Variants in KCNIP4 observed in about 807,000 individuals in gnomAD.
KCNIP4 encodes the protein potassium voltage-gated channel interacting protein 4.
In KCNIP4, 12 loss-of-function variants were observed where a neutral mutation model predicts 34.0. The ratio of observed to expected loss-of-function variants is 0.35; its 90% CI spans 0.23 to 0.57. The LOEUF is 0.57. Ranked by LOEUF, KCNIP4 falls within the 20% of genes least tolerant of loss-of-function variation. The probability of loss-of-function intolerance (pLI) is 0.83; values close to 1 mark genes in which losing one functional copy is unlikely to be tolerated. For synonymous variants in KCNIP4, 124 were observed against 102.2 expected, an observed-to-expected ratio of 1.21 and a Z score of -1.29; for missense variants, 238 against 311.7, an observed-to-expected ratio of 0.76 and a Z score of 1.78.
intron 1 of KCNIP4, among the ~76,000 whole-genome samples, chr4:21,092,180 C>G (rs1285609797): frequency 6.6e-6 from 1 of 152,010 alleles, no homozygotes. Flanking sequence ...ATGTCCCAAG[C>G]ATTCCTTAAA....
rs115222839 is a variant in KCNIP4 at position 21,774,416 on chromosome 4, C to T, written c.61+174155G>A. Among the ~76,000 whole-genome samples the T allele has an allele frequency of 4.1e-3, 631 of 152,138 alleles. 3 individuals are homozygous for T. The highest frequency in any genetic ancestry group is 0.017 in the Middle Eastern group (5 of 292). On this transcript the variant is annotated intron_variant, in intron 1 of 8. Transcript: ENST00000382152. ...GAAGAATCTGATGATTATGTGTCTT[C>T]GGGTTGATCTTCTCATGTTGTATCT...
chr4:20,943,867 C>A (rs998669431), intron 1 of KCNIP4, among the ~76,000 whole-genome samples: 3 of 151,990 alleles, frequency 2.0e-5, no homozygotes, highest in African/African-American at 7.3e-5. Context: ...GATTTGTAGT[C>A]CAATCTAGAA....
chr4:20,945,309 G>A (rs966434527), intron 1 of KCNIP4, among the ~76,000 whole-genome samples: 2 of 152,156 alleles, frequency 1.3e-5, no homozygotes, highest in Non-Finnish European at 2.9e-5. Flanking sequence ...GAGGGACACT[G>A]CCAAGTGACT....
rs370139941 is a variant in KCNIP4, at chr4:21,149,918, A to C, written c.62-267209T>G. On this transcript the variant is annotated intron_variant, in intron 1 of 8. Transcript: ENST00000382152. ...TAAGTTATTTGTTTCACTGTGTTGG[A>C]AATGTCCTTTTATAACACCCTAATA... 4.7e-4 allele frequency among the ~76,000 whole-genome samples: 72 copies of C among 152,342 alleles called. No individual in the cohort carries two copies. In the East Asian group the frequency reaches 8.9e-3, roughly 19 times the overall value.
intron 1 of KCNIP4, among the ~76,000 whole-genome samples, chr4:21,528,703 G>C (rs1341939529): frequency 4.0e-3 from 1 of 248 alleles, no homozygotes; most frequent in Non-Finnish European, 7.4e-3. Flanking sequence ...AAGAAAGAAA[G>C]AAAGAAAGAA....
At chr4:21,344,591 A>G (rs1444898712) in intron 1 of KCNIP4, among the ~76,000 whole-genome samples, 1 of 152,162 alleles carries the variant, frequency 6.6e-6, no homozygotes. Flanking sequence ...ACAGATAGGT[A>G]TGATGCAAGA....
chr4:21,375,945 G>A (rs1265231594), intron 1 of KCNIP4, among the ~76,000 whole-genome samples: 3 of 152,122 alleles, frequency 2.0e-5, no homozygotes, highest in Non-Finnish European at 2.9e-5. Context: ...TCAAGGCAGA[G>A]TCTCCCTCCT....
At chr4:21,279,631 A>G (rs1762656963) in intron 1 of KCNIP4, among the ~76,000 whole-genome samples, 1 of 151,674 alleles carries the variant, frequency 6.6e-6, no homozygotes, top group South Asian at 2.1e-4. Flanking sequence ...TTATTCATCA[A>G]ATATTAATTC....
chr4:21,694,914 C>CA lies in KCNIP4; in HGVS notation c.61+253656dup, dbSNP rs368053041. ...CGTTTCCTCAGATAACACGATTGAC[C>CA]AAAAAAAAAAAAAAAATAAAAATAA... On this transcript the variant is annotated intron_variant, in intron 1 of 8. Coordinates refer to ENST00000382152, the MANE Select transcript of KCNIP4 (RefSeq NM_025221.6). 5.7e-3 allele frequency among the ~76,000 whole-genome samples: 263 copies of CA among 46,462 alleles called. 1 individual carries two copies. The highest frequency in any genetic ancestry group is 0.01 in the South Asian group (17 of 1,690). 30.5% of individuals were successfully genotyped at this position (46,462 alleles called of 152,430 possible). A position where few individuals can be genotyped will look rare whatever the true frequency, so the allele number is the denominator to read the frequency against.
At chr4:21,057,117 A>C (rs1743477633) in intron 1 of KCNIP4, among the ~76,000 whole-genome samples, 1 of 152,120 alleles carries the variant, frequency 6.6e-6, no homozygotes, top group African/African-American at 2.4e-5. Flanking sequence ...AATGTGCCCA[A>C]ATTGTAAATG....
intron 1 of KCNIP4, among the ~76,000 whole-genome samples, chr4:21,622,735 C>T (rs946898380): frequency 5.3e-5 from 8 of 151,988 alleles, no homozygotes; most frequent in Non-Finnish European, 8.8e-5. Flanking sequence ...GAGGCATCAA[C>T]TTAAAAAAAT....
At chr4:21,410,907 A>G (rs1724439991) in intron 1 of KCNIP4, among the ~76,000 whole-genome samples, 1 of 152,206 alleles carries the variant, frequency 6.6e-6, no homozygotes, top group Non-Finnish European at 1.5e-5. Flanking sequence ...TGGTCTGGCA[A>G]CATTGACAAA....
At position 21,400,523 on chromosome 4, in the gene KCNIP4, CTCTTCTCTT is replaced by C. The variant is rs1560369255; in HGVS notation, c.62-517823_62-517815del. On this transcript the variant is annotated intron_variant, in intron 1 of 8. Transcript: ENST00000382152. ...CCTTCCCCTCCCTTCCTCTTCTCTT[CTCTTCTCTT>C]CTCTTCTCTTCTCTTCTCTTCTCTT... is the stretch of plus-strand genomic sequence containing the variant. 4.0e-3 allele frequency among the ~76,000 whole-genome samples: 192 copies of C among 48,380 alleles called. 7 individuals are homozygous for C. The highest frequency in any genetic ancestry group is 0.016 in the African/African-American group (174 of 11,008). The allele number at this position is 48,380 out of a possible 152,430, so 31.7% of individuals were successfully genotyped here.
intron 1 of KCNIP4, among the ~76,000 whole-genome samples, chr4:21,251,209 T>C (rs1238217611): frequency 6.6e-6 from 1 of 152,168 alleles, no homozygotes; most frequent in Admixed American, 6.5e-5. Flanking sequence ...ATCCAACAAA[T>C]CTATCTATAT....
In KCNIP4 at chr4:21,683,446, A is replaced by ATTTTTTTTTTTTTT. The variant is rs71191533; in HGVS notation, c.61+265111_61+265124dup. 7.5e-4 allele frequency among the ~76,000 whole-genome samples: 35 copies of ATTTTTTTTTTTTTT among 46,614 alleles called. 7 individuals carry two copies. The highest frequency in any genetic ancestry group is 1.9e-3 in the South Asian group (2 of 1,036). 30.6% of individuals were successfully genotyped at this position (46,614 alleles called of 152,430 possible). A position where few individuals can be genotyped will look rare whatever the true frequency, so the allele number is the denominator to read the frequency against. ...TACGACTAATGATTGGTGAAGCCAG[A>ATTTTTTTTTTTTTT]TTTTTTTTTTTTTTTTTTTTTTTTT... On this transcript the variant is annotated intron_variant, in intron 1 of 8. Transcript: ENST00000382152.
chr4:21,923,265 A>T (rs1729037202), intron 1 of KCNIP4, among the ~76,000 whole-genome samples: 3 of 152,114 alleles, frequency 2.0e-5, no homozygotes, highest in Non-Finnish European at 4.4e-5. Context: ...TACATTCTCA[A>T]CCCAACTACC....
intron 1 of KCNIP4, among the ~76,000 whole-genome samples, chr4:21,176,630 C>G (rs1754431520): frequency 6.6e-6 from 1 of 152,218 alleles, no homozygotes; most frequent in African/African-American, 2.4e-5. Context: ...ACAACAAACT[C>G]TCCTGCCTTA....
chr4:20,770,725 G>A (rs571705762), intron 3 of KCNIP4, among the ~76,000 whole-genome samples: 59 of 152,258 alleles, frequency 3.9e-4, no homozygotes, highest in Middle Eastern at 6.8e-3. Context: ...CCTGAGGTCA[G>A]GAGTTGGAGA....
intron 5 of KCNIP4, among the ~76,000 whole-genome samples, chr4:20,735,756 C>T (rs897924935): frequency 2.0e-5 from 3 of 152,104 alleles, no homozygotes; most frequent in South Asian, 4.2e-4. Context: ...AGGTTGGTGT[C>T]GAACTCCTGA....
Sources: gnomAD v4.1 joint callset for allele counts (sites outside exome capture counted in the v4.1 genomes callset) on GRCh38, gnomAD v4.1.1 for gene constraint, MANE v1.5 for transcripts, NCBI Gene and HGNC (gene_info 2026-07-23, HGNC 2026-07-21) for gene names.